The following BABAM2 variants were observed in gnomAD, a reference collection of about 807,000 sequenced individuals.
BABAM2 encodes the protein BRISC and BRCA1 A complex member 2.
BABAM2 carries 31 observed loss-of-function variants against 54.7 expected under a neutral mutation model. The ratio of observed to expected loss-of-function variants is 0.57; its 90% CI spans 0.43 to 0.77. BABAM2 has a LOEUF of 0.77. Ranked by LOEUF, BABAM2 falls within the 30% of genes least tolerant of loss-of-function variation. BABAM2 has a pLI of 0.00. For missense variants in BABAM2, 364 were observed against 455.8 expected, an observed-to-expected ratio of 0.80 and a Z score of 1.83; for synonymous variants, 167 against 162.9, an observed-to-expected ratio of 1.03 and a Z score of -0.19.
upstream of BABAM2, chr2:27,890,102 A>C (rs901614406): frequency 8.1e-6 from 5 of 618,222 alleles, no homozygotes; most frequent in African/African-American, 9.3e-5. This position sits in a 1 kb window ranked among gnomAD's most constrained non-coding sequence, Gnocchi z 4.8. Context: ...TCATGCCAGG[A>C]AGGTAGGCTG....
chr2:28,049,066 C>T lies in BABAM2; in HGVS notation c.570+3267C>T, dbSNP rs76454936. ...TGAATTGTCTACTAACATTTTTATT[C>T]TCTGAACAAGAAGCTTAGAAACTAA... On this transcript the variant is annotated intron_variant, in intron 6 of 11. Coordinates refer to ENST00000379624, the MANE Select transcript of BABAM2 (RefSeq NM_199191.3). Among the ~76,000 whole-genome samples, 55 of 152,278 alleles carry T rather than the reference C, an allele frequency of 3.6e-4. No individual in the cohort carries two copies. In the East Asian group the frequency reaches 9.1e-3, roughly 25 times the overall value.
chr2:27,891,614 A>G (rs1039499310), intron 1 of BABAM2, among the ~76,000 whole-genome samples: 1 of 152,030 alleles, frequency 6.6e-6, no homozygotes, highest in Admixed American at 6.5e-5. Context: ...CTCCCTGTCC[A>G]TGTACCCGGT....
At chr2:28,000,434 C>T (rs1380675551) in intron 4 of BABAM2, among the ~76,000 whole-genome samples, 1 of 152,048 alleles carries the variant, frequency 6.6e-6, no homozygotes, top group Non-Finnish European at 1.5e-5. Context: ...AGGTACAAAT[C>T]CATTTTCATC....
At chr2:27,914,889 T>C (rs1666853937) in intron 2 of BABAM2, among the ~76,000 whole-genome samples, 1 of 148,174 alleles carries the variant, frequency 6.7e-6, no homozygotes, top group Admixed American at 6.6e-5. Context: ...TTATTATGTG[T>C]CAAAAAAGTT....
At chr2:28,235,851 A>G (rs1229666203) in intron 7 of BABAM2, among the ~76,000 whole-genome samples, 3 of 151,846 alleles carry the variant, frequency 2.0e-5, no homozygotes, top group Non-Finnish European at 2.9e-5. Context: ...GTAGAGACGA[A>G]GTCTTCCTAT....
intron 4 of BABAM2, chr2:28,016,235 G>C (rs866944438): frequency 2.1e-5 from 19 of 913,820 alleles, no homozygotes; most frequent in Middle Eastern, 2.2e-4. Flanking sequence ...GCTCTCACTT[G>C]CACTTAACAA....
intron 10 of BABAM2, among the ~76,000 whole-genome samples, chr2:28,291,072 A>T (rs969474554): frequency 6.6e-6 from 1 of 152,234 alleles, no homozygotes; most frequent in Non-Finnish European, 1.5e-5. Context: ...TTCAACAAAC[A>T]CTATGAGATA....
chr2:28,150,595 A>G (rs1392408290), intron 7 of BABAM2, among the ~76,000 whole-genome samples: 2 of 152,236 alleles, frequency 1.3e-5, no homozygotes, highest in African/African-American at 4.8e-5. Context: ...CTCTTGAAGG[A>G]GGACCAGTTC....
At chr2:28,269,593 T>C (rs1685252579) in intron 10 of BABAM2, among the ~76,000 whole-genome samples, 1 of 152,156 alleles carries the variant, frequency 6.6e-6, no homozygotes, top group Admixed American at 6.5e-5. Context: ...GCAAACCTTT[T>C]GTAAAAGGGA....
intron 7 of BABAM2, among the ~76,000 whole-genome samples, chr2:28,161,476 T>C (rs1036727329): frequency 1.3e-5 from 2 of 152,178 alleles, no homozygotes; most frequent in Non-Finnish European, 2.9e-5. Flanking sequence ...TCCAGTTTGC[T>C]TTCCCCATTT....
At chr2:28,061,643 CAT>C (rs958963001) in intron 6 of BABAM2, among the ~76,000 whole-genome samples, 3 of 146,940 alleles carry the variant, frequency 2.0e-5, no homozygotes, top group African/African-American at 7.5e-5. Context: ...CTTGAAAAGA[CAT>C]ATATATATAT....
chr2:28,214,066 C>T (rs900742191), intron 7 of BABAM2, among the ~76,000 whole-genome samples: 4 of 152,034 alleles, frequency 2.6e-5, no homozygotes, highest in Admixed American at 1.3e-4. Context: ...ATATGGCTGC[C>T]GTGCAATAAT....
At chr2:28,026,610 A>G (rs1279765902) in intron 5 of BABAM2, among the ~76,000 whole-genome samples, 1 of 149,910 alleles carries the variant, frequency 6.7e-6, no homozygotes, top group African/African-American at 2.5e-5. Flanking sequence ...GAGGGATACC[A>G]TTAGGAGACA....
At chr2:28,123,280 T>A (rs1292454453) in intron 6 of BABAM2, among the ~76,000 whole-genome samples, 1 of 152,192 alleles carries the variant, frequency 6.6e-6, no homozygotes, top group Non-Finnish European at 1.5e-5. Flanking sequence ...CTGAGCCAGA[T>A]CCACTGTTAC....
chr2:28,281,724 T>G (rs1165816290), intron 10 of BABAM2, among the ~76,000 whole-genome samples: 2 of 152,242 alleles, frequency 1.3e-5, no homozygotes, highest in African/African-American at 4.8e-5. Flanking sequence ...AAGGCTTGAA[T>G]TCAAGGCCAG....
chr2:28,295,087 G>C (rs771331905), intron 10 of BABAM2, among the ~76,000 whole-genome samples: 1 of 152,126 alleles, frequency 6.6e-6, no homozygotes, highest in Non-Finnish European at 1.5e-5. Flanking sequence ...AATTATTTCT[G>C]ATGCTAACTG....
At chr2:27,895,102 A>G (rs1037114417) in intron 2 of BABAM2, 1 of 155,222 alleles carries the variant, frequency 6.4e-6, no homozygotes, top group Non-Finnish European at 1.4e-5. Context: ...ATTTCTCACA[A>G]TGGGGTTGAA....
chr2:28,238,218 T>C (rs1379526310), intron 8 of BABAM2, among the ~76,000 whole-genome samples: 4 of 152,208 alleles, frequency 2.6e-5, no homozygotes, highest in Admixed American at 2.6e-4. Flanking sequence ...AGCCATTTCA[T>C]TAGCAAGTAG....
At chr2:28,230,684 A>T (rs1345080095) in intron 7 of BABAM2, among the ~76,000 whole-genome samples, 1 of 150,400 alleles carries the variant, frequency 6.6e-6, no homozygotes, top group African/African-American at 2.4e-5. Flanking sequence ...TGATCACGCC[A>T]CCACACAGAC....
Sources: gnomAD v4.1 joint callset for allele counts (sites outside exome capture counted in the v4.1 genomes callset) on GRCh38, gnomAD v4.1.1 for gene constraint, Gnocchi (gnomAD v3.1) non-coding constraint, MANE v1.5 for transcripts, NCBI Gene and HGNC (gene_info 2026-07-23, HGNC 2026-07-21) for gene names.